Variants in HIP1 observed in about 807,000 individuals in gnomAD.
HIP1 encodes the protein huntingtin interacting protein 1.
A neutral mutation model predicts 147.6 loss-of-function variants in HIP1; 65 were observed. The observed-to-expected ratio is 0.44, with a 90% CI of 0.36 to 0.54. The LOEUF (loss-of-function observed/expected upper bound fraction) is 0.54, where lower values mean the gene tolerates loss of function less well. Ranked by LOEUF, HIP1 falls within the 20% of genes least tolerant of loss-of-function variation. The probability of loss-of-function intolerance (pLI) is 0.00; values close to 1 mark genes in which losing one functional copy is unlikely to be tolerated. For synonymous variants in HIP1, 479 were observed against 504.0 expected (o/e 0.95, Z 0.67); for missense variants, 1,061 against 1,299.6 (o/e 0.82, Z 2.82).
At chr7:75,554,951 A>G (rs1325168987) in intron 19 of HIP1, among the ~76,000 whole-genome samples, 1 of 151,980 alleles carries the variant, frequency 6.6e-6, no homozygotes, top group Non-Finnish European at 1.5e-5. Flanking sequence ...CATGCCTGTA[A>G]TCCCAGCACT....
intron 4 of HIP1, among the ~76,000 whole-genome samples, chr7:75,589,449 C>A (rs1288232667): frequency 6.6e-6 from 1 of 151,700 alleles, no homozygotes; most frequent in Admixed American, 6.6e-5. Context: ...CTTTGGGAGG[C>A]CGAGGAGGGA....
Position 75,698,671 on chromosome 7 carries a change from T to A in HIP1, c.120+40130A>T, listed in dbSNP as rs1387441962. ...CAACTCTAAATACAATTTTTTTTTTTAAGTCAGGCACAGTGGCACACACTT... is the reference window on the plus strand; with the variant it reads ...CAACTCTAAATACAATTTTTTTTTTAAAGTCAGGCACAGTGGCACACACTT... On this transcript the variant is annotated intron_variant, in intron 1 of 30. Transcript: ENST00000336926. 3.3e-5 allele frequency among the ~76,000 whole-genome samples: 5 copies of A among 152,020 alleles called. No individual in the cohort carries two copies. The South Asian group carries it at 1.0e-3, about 32-fold the overall frequency.
chr7:75,691,123 G>A (rs569804904), intron 1 of HIP1, among the ~76,000 whole-genome samples: 1 of 152,272 alleles, frequency 6.6e-6, no homozygotes, highest in South Asian at 2.1e-4. Context: ...GTGTGGATGA[G>A]CCTTGAAAAC....
chr7:75,721,937 C>G (rs1801514580), intron 1 of HIP1, among the ~76,000 whole-genome samples: 1 of 152,194 alleles, frequency 6.6e-6, no homozygotes, highest in African/African-American at 2.4e-5. Flanking sequence ...GGCCAGGTGT[C>G]AAAAGGCAGT....
At chr7:75,641,965 T>C (rs1798667068) in intron 1 of HIP1, among the ~76,000 whole-genome samples, 1 of 152,202 alleles carries the variant, frequency 6.6e-6, no homozygotes, top group African/African-American at 2.4e-5. Flanking sequence ...TAGCTTCCAA[T>C]CTATGTCTTA....
chr7:75,573,610 T>A (rs1795728888), intron 8 of HIP1, 151 bp downstream of exon 8: 5 of 756,358 alleles, frequency 6.6e-6, no homozygotes, highest in Non-Finnish European at 8.4e-6. Flanking sequence ...TCTTTTATCC[T>A]CACAATGGTC....
chr7:75,583,716 G>A (rs1247901741), intron 5 of HIP1, among the ~76,000 whole-genome samples: 1 of 150,378 alleles, frequency 6.6e-6, no homozygotes, highest in Admixed American at 6.7e-5. Context: ...AGCCTCCTCA[G>A]TAGCTGGTAC....
chr7:75,646,523 C>A (rs1456097457), intron 1 of HIP1, among the ~76,000 whole-genome samples: 2 of 152,264 alleles, frequency 1.3e-5, no homozygotes, highest in East Asian at 1.9e-4. Flanking sequence ...ATGCTCCCAG[C>A]GAGCTTCACC....
chr7:75,581,124 G>A lies in HIP1; in HGVS notation c.604+113C>T, dbSNP rs1193122149. ...GGGTTGGAGAGACCAGAGATGGGGT[G>A]TGAATGTCTCCATTTTCCTACCCCT... On this transcript the variant is annotated intron_variant, in intron 7 of 30. Coordinates refer to ENST00000336926, the MANE Select transcript of HIP1 (RefSeq NM_005338.7). The A allele has an allele frequency of 5.3e-6, 4 of 755,166 alleles. No individual in the cohort carries two copies. The East Asian group carries it at 1.1e-4, about 20-fold the overall frequency. 46.8% of individuals were successfully genotyped at this position (755,166 alleles called of 1,614,324 possible).
chr7:75,677,019 A>T (rs1453844217), intron 1 of HIP1, among the ~76,000 whole-genome samples: 1 of 151,474 alleles, frequency 6.6e-6, no homozygotes, highest in Non-Finnish European at 1.5e-5. Context: ...ACATGGTGAA[A>T]CCCCATCTCT....
intron 1 of HIP1, among the ~76,000 whole-genome samples, chr7:75,709,258 G>A (rs1305533614): frequency 1.3e-5 from 2 of 151,742 alleles, no homozygotes; most frequent in East Asian, 3.9e-4. Flanking sequence ...GATTACAGGT[G>A]TACAACACCA....
intron 22 of HIP1, 51 bp from the exon 23 acceptor site, chr7:75,549,052 C>G: frequency 7.8e-7 from 1 of 1,288,556 alleles, no homozygotes; most frequent in Non-Finnish European, 1.1e-6. Context: ...CCTGTCTCTT[C>G]TCCTCTGCCA....
intron 5 of HIP1, among the ~76,000 whole-genome samples, chr7:75,583,149 C>T (rs1468269550): frequency 6.6e-6 from 1 of 152,142 alleles, no homozygotes; most frequent in Non-Finnish European, 1.5e-5. Context: ...CCAGTCCCCT[C>T]CTGCTCCCTC....
chr7:75,715,433 G>A (rs1307895552), intron 1 of HIP1, among the ~76,000 whole-genome samples: 1 of 146,058 alleles, frequency 6.8e-6, no homozygotes, highest in African/African-American at 2.6e-5. Flanking sequence ...CAGAAAGAAG[G>A]AAAGAAGGGA....
rs1794627753 is a variant in HIP1, at chr7:75,547,782, G to A, written c.2438C>T (p.Thr813Ile). 6.2e-7 allele frequency: 1 copy of A among 1,613,724 alleles called. No individual in the cohort carries two copies. The highest frequency in any genetic ancestry group is 1.3e-5 in the African/African-American group (1 of 74,840). ...TTCATTCACCTCCAATTTGACTCCT[G>A]TGTCTCCTGCTCGGGATTTGCTGAG... ...EMLSKSRAGD[T>I]GVKLEVNERI... is the part of the protein sequence containing the mutation. The change falls in exon 24 of 31, where the codon ACA becomes ATA. Residue 813 changes from threonine to isoleucine, a missense_variant. This residue lies in a region of HIP1 where 810 missense variants were observed against 946.8 expected (regional missense o/e 0.86). Coordinates refer to ENST00000336926, the MANE Select transcript of HIP1 (RefSeq NM_005338.7).
At chr7:75,692,863 T>C (rs1237926076) in intron 1 of HIP1, among the ~76,000 whole-genome samples, 1 of 152,048 alleles carries the variant, frequency 6.6e-6, no homozygotes, top group Non-Finnish European at 1.5e-5. Context: ...AAATAATCAG[T>C]GTATAAATTA....
chr7:75,642,967 C>G (rs118057570), intron 1 of HIP1, among the ~76,000 whole-genome samples: 1 of 152,182 alleles, frequency 6.6e-6, no homozygotes, highest in Non-Finnish European at 1.5e-5. Context: ...CAGCACTCCA[C>G]GTTTAACATC....
intron 1 of HIP1, among the ~76,000 whole-genome samples, chr7:75,656,707 C>A (rs1265157687): frequency 1.3e-5 from 2 of 152,148 alleles, no homozygotes; most frequent in Non-Finnish European, 1.5e-5. Flanking sequence ...GAACTCCCGA[C>A]CTCAGGTGAT....
chr7:75,693,872 C>T (rs558063347), intron 1 of HIP1, among the ~76,000 whole-genome samples: 1 of 151,730 alleles, frequency 6.6e-6, no homozygotes, highest in East Asian at 1.9e-4. Context: ...CAATATCTAG[C>T]ATCCAGTGTG....
Sources: gnomAD v4.1 joint callset for allele counts (sites outside exome capture counted in the v4.1 genomes callset) on GRCh38, gnomAD v4.1.1 for gene constraint, gnomAD v4.1.1 regional missense constraint, MANE v1.5 for transcripts, NCBI Gene and HGNC (gene_info 2026-07-23, HGNC 2026-07-21) for gene names.